PPHLN1: variants seen among roughly 807,000 people sequenced by gnomAD.
PPHLN1 encodes periphilin-1.
In PPHLN1, 29 loss-of-function variants were observed where a neutral mutation model predicts 51.3. The ratio of observed to expected loss-of-function variants is 0.57; its 90% confidence interval spans 0.42 to 0.77. The LOEUF is 0.77. PPHLN1 is among the 30% of genes least tolerant of loss of function. The pLI is 0.00. For synonymous variants in PPHLN1, 147 were observed against 147.8 expected, an observed-to-expected ratio of 0.99 and a Z score of 0.04; for missense variants, 436 against 438.4, an observed-to-expected ratio of 0.99 and a Z score of 0.05.
At chr12:42,398,271 T>G (rs1199294696) in intron 8 of PPHLN1, among the ~76,000 whole-genome samples, 1 of 152,188 alleles carries the variant, frequency 6.6e-6, no homozygotes, top group Non-Finnish European at 1.5e-5. Context: ...TTTTTAATGA[T>G]TTCAGTGAAT....
intron 3 of PPHLN1, among the ~76,000 whole-genome samples, chr12:42,353,322 A>C (rs1042046074): frequency 1.3e-5 from 2 of 152,164 alleles, no homozygotes; most frequent in African/African-American, 4.8e-5. Flanking sequence ...GACAATTAAC[A>C]GTACATATTC....
chr12:42,402,019 T>C (rs755386291), intron 9 of PPHLN1, among the ~76,000 whole-genome samples: 1 of 152,118 alleles, frequency 6.6e-6, no homozygotes, highest in Non-Finnish European at 1.5e-5. Flanking sequence ...CACTCCCAGC[T>C]AATTTTTTTT....
intron 9 of PPHLN1, among the ~76,000 whole-genome samples, chr12:42,418,840 C>T (rs1565992138): frequency 6.6e-6 from 1 of 152,050 alleles, no homozygotes. Flanking sequence ...AGGATAGGCA[C>T]TACATGTTTT....
intron 9 of PPHLN1, chr12:42,433,047 A>C: frequency 1.1e-6 from 1 of 898,258 alleles, no homozygotes; most frequent in Non-Finnish European, 1.9e-6. Flanking sequence ...TCCACTGTGC[A>C]TTTAAAGACG....
downstream of PPHLN1, chr12:42,447,241 T>G (rs2083362414): frequency 6.6e-6 from 1 of 152,274 alleles, no homozygotes; most frequent in Non-Finnish European, 1.5e-5. Flanking sequence ...TTTAAATTTT[T>G]TTATAGGCCC....
intron 4 of PPHLN1, among the ~76,000 whole-genome samples, chr12:42,360,110 C>CAAAAAAAAAAAAAAAAA (rs10643805): frequency 3.9e-4 from 48 of 123,076 alleles, no homozygotes; most frequent in South Asian, 1.4e-3. Context: ...GACTCCATCT[C>CAAAAAAAAAAAAAAAAA]AAAAAAAAAA....
At chr12:42,446,412 C>G, downstream of PPHLN1, 9 of 1,401,112 alleles carry the variant, frequency 6.4e-6, no homozygotes, top group Non-Finnish European at 8.6e-6. Context: ...AGCAGTGTGA[C>G]TTTTTAGCTA....
At chr12:42,338,272 T>A (rs2137858489) in intron 2 of PPHLN1, among the ~76,000 whole-genome samples, 2 of 152,188 alleles carry the variant, frequency 1.3e-5, no homozygotes, top group South Asian at 4.1e-4. Flanking sequence ...CTTAAAAGGG[T>A]TTTCTGTGTG....
intron 9 of PPHLN1, chr12:42,399,202 AAC>A: frequency 8.3e-7 from 1 of 1,210,244 alleles, no homozygotes; most frequent in Non-Finnish European, 1.0e-6. Context: ...TTAAATAAAA[AAC>A]AGACTTCTTT....
At chr12:42,398,059 C>T (rs765747418) in intron 8 of PPHLN1, among the ~76,000 whole-genome samples, 61 of 151,718 alleles carry the variant, frequency 4.0e-4, no homozygotes, top group Non-Finnish European at 7.4e-4. Flanking sequence ...CTCTTCTTTG[C>T]TACTTCTTCT....
At chr12:42,360,072 A>C (rs1390168259) in intron 4 of PPHLN1, among the ~76,000 whole-genome samples, 1 of 146,316 alleles carries the variant, frequency 6.8e-6, no homozygotes, top group African/African-American at 2.6e-5. Flanking sequence ...CACCCATTGC[A>C]CTCCATCCAG....
At chr12:42,431,726 C>A (rs184536494) in intron 9 of PPHLN1, 1 of 1,071,800 alleles carries the variant, frequency 9.3e-7, no homozygotes, top group East Asian at 2.4e-5. Flanking sequence ...AGGTATTAAT[C>A]TTTTCTTCTC....
intron 9 of PPHLN1, among the ~76,000 whole-genome samples, chr12:42,411,971 C>G (rs938290897): frequency 6.8e-6 from 1 of 146,988 alleles, no homozygotes; most frequent in Non-Finnish European, 1.5e-5. Flanking sequence ...CTTTGGGAGG[C>G]CGAGGCAGGC....
At chr12:42,346,659 G>A (rs1299130893) in intron 2 of PPHLN1, among the ~76,000 whole-genome samples, 1 of 152,002 alleles carries the variant, frequency 6.6e-6, no homozygotes, top group Non-Finnish European at 1.5e-5. Context: ...CTTTCTCTAG[G>A]AATTTCCATA....
chr12:42,364,518 G>A (rs2075052548), intron 4 of PPHLN1, among the ~76,000 whole-genome samples: 1 of 152,090 alleles, frequency 6.6e-6, no homozygotes, highest in Non-Finnish European at 1.5e-5. Flanking sequence ...TGGTACCTTT[G>A]GAAGCTGATG....
intron 5 of PPHLN1, among the ~76,000 whole-genome samples, chr12:42,375,471 C>A (rs2076188156): frequency 6.6e-6 from 1 of 151,748 alleles, no homozygotes; most frequent in South Asian, 2.1e-4. Context: ...ACCACCATGC[C>A]CGGCTAATTT....
chr12:42,372,943 C>T (rs1233474518), intron 4 of PPHLN1, among the ~76,000 whole-genome samples: 2 of 152,174 alleles, frequency 1.3e-5, no homozygotes, highest in Non-Finnish European at 2.9e-5. Context: ...AAAACGTTAA[C>T]TACATCCCAT....
chr12:42,445,097 C>CT (rs1292166693), downstream of PPHLN1: 1 of 702,322 alleles, frequency 1.4e-6, no homozygotes. Flanking sequence ...CCCTGTGTGC[C>CT]TTTTTTCTTT....
chr12:42,411,709 A>C (rs1322757997), intron 9 of PPHLN1, among the ~76,000 whole-genome samples: 2 of 149,574 alleles, frequency 1.3e-5, no homozygotes, highest in Non-Finnish European at 3.0e-5. Context: ...GTTCAAGACC[A>C]GCCTGGCCAA....
Sources: allele counts gnomAD v4.1 joint callset (sites outside exome capture counted in the v4.1 genomes callset), GRCh38; gene constraint gnomAD v4.1.1; transcripts MANE v1.5; gene names NCBI Gene and HGNC (gene_info 2026-07-23, HGNC 2026-07-21).